The following GAS2 variants were observed in gnomAD, a reference collection of about 807,000 sequenced individuals.
The protein encoded by GAS2 is growth arrest specific 2.
Under a neutral mutation model 37.5 loss-of-function variants are expected in GAS2, and 20 were observed. The ratio of observed to expected loss-of-function variants is 0.53; its 90% CI spans 0.37 to 0.77. The LOEUF is 0.77. Ranked by LOEUF, GAS2 falls within the 30% of genes least tolerant of loss-of-function variation. The pLI is 0.00. For synonymous variants in GAS2, 144 were observed against 132.2 expected, an observed-to-expected ratio of 1.09 and a Z score of -0.61; for missense variants, 336 against 373.4, an observed-to-expected ratio of 0.90 and a Z score of 0.82.
intron 4 of GAS2, 139 bp from the exon 5 acceptor site, chr11:22,737,566 G>T (rs2134224581): frequency 2.7e-6 from 2 of 746,326 alleles, no homozygotes; most frequent in Non-Finnish European, 4.8e-6. Flanking sequence ...TTGAGGTATG[G>T]GATGGGTTCT....
At chr11:22,675,088 C>T in intron 2 of GAS2, 74 bp downstream of exon 2, 1 of 1,436,928 alleles carries the variant, frequency 7.0e-7, no homozygotes, top group Non-Finnish European at 9.5e-7. Context: ...TAGTGTCCTT[C>T]ACCTAAGCAT....
chr11:22,690,442 G>A (rs1850187062), intron 3 of GAS2, among the ~76,000 whole-genome samples: 1 of 152,096 alleles, frequency 6.6e-6, no homozygotes, highest in African/African-American at 2.4e-5. Flanking sequence ...CTTAGCCTTT[G>A]TGTAGTGGGC....
chr11:22,810,045 C>T (rs1040054977), intron 7 of GAS2, among the ~76,000 whole-genome samples: 1 of 152,122 alleles, frequency 6.6e-6, no homozygotes, highest in South Asian at 2.1e-4. Context: ...CTGTCTAGGT[C>T]CTGCTGCTCA....
chr11:22,699,375 G>A (rs1011994339), intron 3 of GAS2, among the ~76,000 whole-genome samples: 4 of 152,094 alleles, frequency 2.6e-5, no homozygotes, highest in African/African-American at 9.7e-5. Context: ...CAGGTGACAG[G>A]TAGATTTTTT....
At chr11:22,675,315 C>G (rs533301611) in intron 2 of GAS2, among the ~76,000 whole-genome samples, 1 of 152,160 alleles carries the variant, frequency 6.6e-6, no homozygotes, top group Non-Finnish European at 1.5e-5. Flanking sequence ...TTTCATGCAG[C>G]TGACCAATTT....
rs536181989 is a variant in GAS2 at position 22,782,642 on chromosome 11, A to T, written c.723+26689A>T. 2.3e-4 allele frequency among the ~76,000 whole-genome samples: 35 copies of T among 151,606 alleles called. No homozygotes were observed. In the South Asian group the frequency reaches 6.5e-3, roughly 28 times the overall value. On this transcript the variant is annotated intron_variant, in intron 7 of 7. Transcript: ENST00000454584. ...TGTACCCAGAATTTAGCTCTCCCTT[A>T]TAAGTGAGAAAATACAGTACGTTGT...
chr11:22,812,893 A>T lies in GAS2; in HGVS notation c.*877A>T, dbSNP rs983653408. 2 of 152,612 alleles carry T rather than the reference A, an allele frequency of 1.3e-5. No individual in the cohort carries two copies. The highest frequency in any genetic ancestry group is 4.8e-5 in the African/African-American group (2 of 41,456). 9.5% of individuals were successfully genotyped at this position (152,612 alleles called of 1,614,324 possible). ...TTCACTGTAGCTAATGATGTTACAG[A>T]CTTACGTATACCCTTGTATACCTGG... is the stretch of plus-strand genomic sequence containing the variant. On this transcript the variant is annotated 3_prime_UTR_variant, in exon 8 of 8. Transcript: ENST00000454584.
intron 7 of GAS2, among the ~76,000 whole-genome samples, chr11:22,789,303 T>TATATATATATATATATATATAC (rs1350750428): frequency 9.0e-6 from 1 of 111,118 alleles, no homozygotes; most frequent in African/African-American, 3.7e-5. Flanking sequence ...TATATATATA[T>TATATATATATATATATATATAC]ACACACACAC....
At chr11:22,764,367 T>C (rs1564877772) in intron 7 of GAS2, among the ~76,000 whole-genome samples, 1 of 151,978 alleles carries the variant, frequency 6.6e-6, no homozygotes, top group Non-Finnish European at 1.5e-5. Context: ...GAGACCATCC[T>C]GGCTAACATG....
chr11:22,734,551 A>G (rs942615739), intron 4 of GAS2, among the ~76,000 whole-genome samples: 2 of 151,710 alleles, frequency 1.3e-5, no homozygotes, highest in Admixed American at 6.6e-5. Context: ...GCTTGCAGGG[A>G]AAAAAGTGAA....
chr11:22,633,858 T>C (rs1858781180), intron 1 of GAS2, among the ~76,000 whole-genome samples: 1 of 152,152 alleles, frequency 6.6e-6, no homozygotes, highest in African/African-American at 2.4e-5. Flanking sequence ...TATGACTCTA[T>C]CCCTCATGTA....
chr11:22,709,220 A>C lies in GAS2; in HGVS notation c.268-17072A>C, dbSNP rs540434115. 5.9e-3 allele frequency among the ~76,000 whole-genome samples: 877 copies of C among 149,902 alleles called. 14 individuals carry two copies. Among genetic ancestry groups the C allele is most frequent in the African/African-American group, 0.019 (795 of 41,182 alleles). On this transcript the variant is annotated intron_variant, in intron 3 of 7. Coordinates refer to ENST00000454584, the MANE Select transcript of GAS2 (RefSeq NM_001143830.3). ...CACAGCATGGTAATGAAAAAAAAAAACCACAGAAGACATTGTAATTAAATC... is the reference window on the plus strand; with the variant it reads ...CACAGCATGGTAATGAAAAAAAAAACCCACAGAAGACATTGTAATTAAATC...
intron 3 of GAS2, among the ~76,000 whole-genome samples, chr11:22,715,987 C>A (rs403551): frequency 6.6e-6 from 1 of 152,100 alleles, no homozygotes; most frequent in African/African-American, 2.4e-5. Context: ...ATATCCAAAA[C>A]ATAATCCGCC....
chr11:22,796,875 G>A (rs1214337518), intron 7 of GAS2, among the ~76,000 whole-genome samples: 1 of 152,012 alleles, frequency 6.6e-6, no homozygotes, highest in Non-Finnish European at 1.5e-5. Context: ...AGAGGGAATG[G>A]TTTTTCTTTG....
At chr11:22,716,524 C>T (rs538763993) in intron 3 of GAS2, among the ~76,000 whole-genome samples, 1 of 151,892 alleles carries the variant, frequency 6.6e-6, no homozygotes, top group African/African-American at 2.4e-5. Context: ...CCTATAATCG[C>T]ACCTACAAGG....
intron 1 of GAS2, among the ~76,000 whole-genome samples, chr11:22,645,520 T>TAC (rs375060682): frequency 0.046 from 6,917 of 150,468 alleles, 332 homozygotes; most frequent in East Asian, 0.28. Flanking sequence ...TATATATATA[T>TAC]ACACACACAC....
intron 7 of GAS2, among the ~76,000 whole-genome samples, chr11:22,785,840 T>C (rs1053221356): frequency 7.4e-6 from 1 of 135,770 alleles, no homozygotes; most frequent in Non-Finnish European, 1.6e-5. Flanking sequence ...TGTACTTTTT[T>C]CGGGGAACTG....
intron 1 of GAS2, among the ~76,000 whole-genome samples, chr11:22,638,552 G>T (rs1046462161): frequency 6.6e-6 from 1 of 151,894 alleles, no homozygotes; most frequent in African/African-American, 2.4e-5. Flanking sequence ...TACCATGTTG[G>T]CCAGGTTGGT....
chr11:22,721,124 G>C (rs1851927294), intron 3 of GAS2, among the ~76,000 whole-genome samples: 1 of 151,844 alleles, frequency 6.6e-6, no homozygotes, highest in Non-Finnish European at 1.5e-5. Flanking sequence ...CTGTTTTTTT[G>C]AGAATTAAAT....
Sources: gnomAD v4.1 joint callset for allele counts (sites outside exome capture counted in the v4.1 genomes callset) on GRCh38, gnomAD v4.1.1 for gene constraint, MANE v1.5 for transcripts, NCBI Gene and HGNC (gene_info 2026-07-23, HGNC 2026-07-21) for gene names.